The following KIAA1549 variants were observed in gnomAD, a reference collection of about 807,000 sequenced individuals.
KIAA1549 encodes UPF0606 protein KIAA1549.
KIAA1549 carries 70 observed loss-of-function variants against 156.4 expected under a neutral mutation model. The ratio of observed to expected loss-of-function variants is 0.45; its 90% CI spans 0.37 to 0.55. The LOEUF (loss-of-function observed/expected upper bound fraction) is 0.55. KIAA1549 is among the 20% of genes least tolerant of loss of function. The pLI is 0.00. For missense variants in KIAA1549, 2,428 were observed against 2,540.9 expected (o/e 0.96, Z 0.96); for synonymous variants, 1,103 against 1,066.4 (o/e 1.03, Z -0.67).
At chr7:138,974,743 AC>A in intron 1 of KIAA1549, among the ~76,000 whole-genome samples, 1 of 151,060 alleles carries the variant, frequency 6.6e-6, no homozygotes, top group Non-Finnish European at 1.5e-5. Context: ...TGTTTTTACA[AC>A]CAGTCAAATG....
Position 138,918,357 on chromosome 7 carries a change from G to A in KIAA1549, c.1269C>T (p.Ala423=). 1.2e-6 allele frequency: 2 copies of A among 1,613,968 alleles called. No homozygotes were observed. Among genetic ancestry groups the A allele is most frequent in the Non-Finnish European group, 1.7e-6 (2 of 1,179,894 alleles). ...SSFRPYTWCA[A]CTVPSPQQVL... The stretch of plus-strand genomic sequence containing the variant: ...CTTGCTGAGGTGAAGGCACAGTGCA[G>A]GCCGCACACCAAGTGTATGGTCTGA... Residue 423 remains alanine (A), a synonymous_variant, in exon 2 of 20, where the codon GCC becomes GCT. Coordinates refer to ENST00000422774, the MANE Select transcript of KIAA1549 (RefSeq NM_001164665.2). The surrounding 1 kb of genome is among the most constrained non-coding windows in gnomAD (Gnocchi z 4.2).
At chr7:138,938,499 A>T (rs1335017102) in intron 1 of KIAA1549, among the ~76,000 whole-genome samples, 1 of 152,176 alleles carries the variant, frequency 6.6e-6, no homozygotes, top group East Asian at 1.9e-4. Context: ...TATCCATAGC[A>T]TTAACTCTCT....
At chr7:138,911,714 T>C (rs1812174700) in intron 3 of KIAA1549, among the ~76,000 whole-genome samples, 1 of 152,258 alleles carries the variant, frequency 6.6e-6, no homozygotes, top group Non-Finnish European at 1.5e-5. Context: ...TTTAAATACA[T>C]TTTATTTAAT....
At chr7:138,923,105 AT>A (rs1439495197) in intron 1 of KIAA1549, among the ~76,000 whole-genome samples, 2 of 152,274 alleles carry the variant, frequency 1.3e-5, no homozygotes, top group African/African-American at 4.8e-5. Context: ...CCAGGTGACA[AT>A]GAAACAAAAT....
intron 16 of KIAA1549, among the ~76,000 whole-genome samples, chr7:138,852,942 C>T (rs564803264): frequency 6.6e-6 from 1 of 152,334 alleles, no homozygotes; most frequent in South Asian, 2.1e-4. Flanking sequence ...TTGAGCTAAC[C>T]TGAACTAGCC....
chr7:138,898,504 T>C (rs1185283819), intron 9 of KIAA1549, among the ~76,000 whole-genome samples: 2 of 152,122 alleles, frequency 1.3e-5, no homozygotes, highest in East Asian at 3.9e-4. Flanking sequence ...AGGACTTCTC[T>C]GTGTTAAAAG....
intron 12 of KIAA1549, among the ~76,000 whole-genome samples, chr7:138,877,634 C>T (rs988750599): frequency 6.6e-6 from 1 of 152,186 alleles, no homozygotes; most frequent in African/African-American, 2.4e-5. Flanking sequence ...TGGCACCTTT[C>T]AAGAAGTAAA....
chr7:138,869,181 C>G, intron 14 of KIAA1549, among the ~76,000 whole-genome samples: 1 of 152,076 alleles, frequency 6.6e-6, no homozygotes, highest in East Asian at 1.9e-4. Flanking sequence ...GCCAAGGACA[C>G]CACAGAAGGA....
At position 138,953,451 on chromosome 7, in the gene KIAA1549, A is replaced by G. The variant is rs572485330; in HGVS notation, c.187+27632T>C. Reference sequence around the variant, plus strand: ...AATAGGAAAAAGGAATGATAAAAATAAGCAATTATAAAAAGATACATTTTT... The same window carrying G: ...AATAGGAAAAAGGAATGATAAAAATGAGCAATTATAAAAAGATACATTTTT... On this transcript the variant is annotated intron_variant, in intron 1 of 19. Coordinates refer to ENST00000422774, the MANE Select transcript of KIAA1549 (RefSeq NM_001164665.2). Among the ~76,000 whole-genome samples, 480 of 152,318 alleles carry G rather than the reference A, an allele frequency of 3.2e-3. 5 individuals are homozygous for G. Among genetic ancestry groups the G allele is most frequent in the African/African-American group, 0.011 (458 of 41,562 alleles).
intron 10 of KIAA1549, among the ~76,000 whole-genome samples, chr7:138,891,506 CTTCT>C (rs1377277526): frequency 1.3e-5 from 2 of 152,176 alleles, no homozygotes; most frequent in Non-Finnish European, 2.9e-5. Flanking sequence ...ATGGGGTTTT[CTTCT>C]TTATTACTGA....
chr7:138,874,186 A>G (rs1038923429), intron 12 of KIAA1549, among the ~76,000 whole-genome samples: 7 of 151,384 alleles, frequency 4.6e-5, no homozygotes, highest in African/African-American at 1.5e-4. Flanking sequence ...ACAAAGCACA[A>G]TGGACACACA....
Position 138,840,228 on chromosome 7 carries a change from C to G in KIAA1549, c.5503G>C (p.Ala1835Pro), listed in dbSNP as rs748223745. 10 of 1,586,790 alleles carry G rather than the reference C, an allele frequency of 6.3e-6. No individual in the cohort carries two copies. The African/African-American group carries it at 1.2e-4, about 19-fold the overall frequency. ...CTTGGCGGGATTTCCACTGGCTGAG[C>G]TCCAATTCTGCTGGCAATCCCCACC... ...TQVGIASRIG[A>P]QPVEIPPSRG... The change falls in exon 19 of 20, where the codon GCT becomes CCT. Residue 1835 changes from alanine to proline, a missense_variant. Physicochemically the swap from Ala to Pro is conservative, Grantham distance 27. This residue lies in a region of KIAA1549 where 363 missense variants were observed against 354.0 expected (regional missense o/e 1.03). Coordinates refer to ENST00000422774, the MANE Select transcript of KIAA1549 (RefSeq NM_001164665.2).
At chr7:138,923,947 C>T (rs1329034009) in intron 1 of KIAA1549, among the ~76,000 whole-genome samples, 1 of 152,156 alleles carries the variant, frequency 6.6e-6, no homozygotes, top group Non-Finnish European at 1.5e-5. Context: ...GGGTTATATT[C>T]CTTTCTCTAT....
chr7:138,833,377 G>C lies in KIAA1549; in HGVS notation c.*4529C>G, dbSNP rs1809597295. On this transcript the variant is annotated 3_prime_UTR_variant, in exon 20 of 20. Coordinates refer to ENST00000422774, the MANE Select transcript of KIAA1549 (RefSeq NM_001164665.2). ...GTCCGAATGACTGGCTTGGTCACTGGAACACTTAGAAAAAAGTTGTGCGAA... is the reference window on the plus strand; with the variant it reads ...GTCCGAATGACTGGCTTGGTCACTGCAACACTTAGAAAAAAGTTGTGCGAA... The C allele has an allele frequency of 4.3e-6, 1 of 232,514 alleles. No individual in the cohort carries two copies. The highest frequency in any genetic ancestry group is 6.1e-5 in the East Asian group (1 of 16,484). 14.4% of individuals were successfully genotyped at this position (232,514 alleles called of 1,614,324 possible). A position where few individuals can be genotyped will look rare whatever the true frequency, so the allele number is the denominator to read the frequency against.
At chr7:138,870,397 AAG>A (rs1247871442) in intron 13 of KIAA1549, among the ~76,000 whole-genome samples, 1 of 152,234 alleles carries the variant, frequency 6.6e-6, no homozygotes, top group Non-Finnish European at 1.5e-5. Context: ...GACAACTTTA[AAG>A]AGACATCTGA....
At chr7:138,842,391 A>C (rs548357613) in intron 18 of KIAA1549, among the ~76,000 whole-genome samples, 9 of 152,174 alleles carry the variant, frequency 5.9e-5, no homozygotes, top group Non-Finnish European at 7.4e-5. Flanking sequence ...CAGCAGGAAT[A>C]AAAAATCTAC....
At chr7:138,933,538 T>A (rs1812928906) in intron 1 of KIAA1549, among the ~76,000 whole-genome samples, 1 of 152,252 alleles carries the variant, frequency 6.6e-6, no homozygotes, top group Non-Finnish European at 1.5e-5. Context: ...GTTTCATTCA[T>A]GGCATTGAAC....
Position 138,916,757 on chromosome 7 carries a change from T to C in KIAA1549, c.2869A>G (p.Ile957Val). The C allele has an allele frequency of 6.2e-7, 1 of 1,613,810 alleles. No homozygotes were observed. Among genetic ancestry groups the C allele is most frequent in the Non-Finnish European group, 8.5e-7 (1 of 1,179,774 alleles). Residue 957 changes from isoleucine to valine, a missense_variant, in exon 2 of 20, where the codon ATC becomes GTC. Physicochemically the swap from Ile to Val is conservative, Grantham distance 29 (BLOSUM62 3). Transcript: ENST00000422774. ...CDITVPDAYL[I>V]TTVLARRAVQ... Reference sequence around the variant, plus strand: ...GGAAGCTGGGCCTTACCAGTTGTGATCAGATAGGCATCGGGGACTGTGATA... The same window carrying C: ...GGAAGCTGGGCCTTACCAGTTGTGACCAGATAGGCATCGGGGACTGTGATA...
intron 1 of KIAA1549, among the ~76,000 whole-genome samples, chr7:138,966,562 A>T (rs1174675246): frequency 6.6e-6 from 1 of 151,952 alleles, no homozygotes; most frequent in South Asian, 2.1e-4. Context: ...AGCATGGGAG[A>T]AACACGTAGG....
Sources: allele counts gnomAD v4.1 joint callset (sites outside exome capture counted in the v4.1 genomes callset), GRCh38; gene constraint gnomAD v4.1.1; regional missense constraint gnomAD v4.1.1; non-coding constraint Gnocchi (gnomAD v3.1); transcripts MANE v1.5; gene names NCBI Gene and HGNC (gene_info 2026-07-23, HGNC 2026-07-21).